Variants in PITPNA observed in about 807,000 individuals in gnomAD.
PITPNA encodes phosphatidylinositol transfer protein alpha isoform.
Under a neutral mutation model 50.3 loss-of-function variants are expected in PITPNA, and 13 were observed. The ratio of observed to expected loss-of-function variants is 0.26; its 90% CI spans 0.17 to 0.41. The LOEUF (loss-of-function observed/expected upper bound fraction) is 0.41. Ranked by LOEUF, PITPNA falls within the 10% of genes least tolerant of loss-of-function variation. The pLI, the probability that PITPNA is intolerant of heterozygous loss-of-function variation, is 1.00. For missense variants in PITPNA, 207 were observed against 333.4 expected (o/e 0.62, Z 2.95); for synonymous variants, 120 against 119.6 (o/e 1.00, Z -0.02).
chr17:1,528,322 G>A (rs2075560152), intron 10 of PITPNA, among the ~76,000 whole-genome samples: 2 of 152,198 alleles, frequency 1.3e-5, no homozygotes, highest in Admixed American at 6.5e-5. Context: ...TGTATTTTTA[G>A]TAGAGACGGG....
In PITPNA at chr17:1,553,022, T is replaced by C; in HGVS notation, c.179A>G (p.Lys60Arg). Residue 60 changes from lysine (K) to arginine (R), a missense_variant, in exon 3 of 12, where the codon AAG (lysine) becomes AGG (arginine). Coordinates refer to ENST00000313486, the MANE Select transcript of PITPNA (RefSeq NM_006224.4). ...CGCATACCTCTGCAGGTGGTAGATC[T>C]TGTGTGTGTACTGGCCTTTCTCACC... ...KDGEKGQYTH[K>R]IYHLQSKVPT... The C allele has an allele frequency of 6.2e-7, 1 of 1,613,996 alleles. No homozygotes were observed. The highest frequency in any genetic ancestry group is 8.5e-7 in the Non-Finnish European group (1 of 1,179,886).
At position 1,541,589 on chromosome 17, in the gene PITPNA, G is replaced by C. The variant is rs976927068; in HGVS notation, c.349C>G (p.Pro117Ala). 1 of 1,613,408 alleles carries C rather than the reference G, an allele frequency of 6.2e-7. No homozygotes were observed. Reference sequence around the variant, plus strand: ...ACATTCTCCTGCGTGCCAAGATCTGGTTTGTGCCAGGTTTCAATTTTAATC... The same window carrying C: ...ACATTCTCCTGCGTGCCAAGATCTGCTTTGTGCCAGGTTTCAATTTTAATC... ...FLIKIETWHK[P>A]DLGTQENVHK... The change falls in exon 6 of 12, where the codon CCA becomes GCA. Residue 117 changes from proline to alanine, a missense_variant. Pro to Ala is a conservative substitution (Grantham distance 27). Transcript: ENST00000313486.
At chr17:1,558,699 G>A (rs1342054020) in intron 1 of PITPNA, 140 bp from the exon 2 acceptor site, 1 of 649,848 alleles carries the variant, frequency 1.5e-6, no homozygotes, top group Non-Finnish European at 2.8e-6. Flanking sequence ...ACAGAGAATG[G>A]CCCTTTGAGT....
rs556675059 is a variant in PITPNA at position 1,518,124 on chromosome 17, G to T, written c.*2437C>A. 1 of 152,692 alleles carries T rather than the reference G, an allele frequency of 6.5e-6. No homozygotes were observed. Among genetic ancestry groups the T allele is most frequent in the Non-Finnish European group, 1.5e-5 (1 of 68,016 alleles). The allele number at this position is 152,692 out of a possible 1,614,324, so 9.5% of individuals were successfully genotyped here. A position where few individuals can be genotyped will look rare whatever the true frequency, so the allele number is the denominator to read the frequency against. ...CTACAAAGTGTAGTTTGTAAAACAA[G>T]TAGCACTAGGAACCAACCAAAGTAA... On this transcript the variant is annotated 3_prime_UTR_variant, in exon 12 of 12. Transcript: ENST00000313486.
At chr17:1,522,592 T>C (rs1392725682) in intron 10 of PITPNA, among the ~76,000 whole-genome samples, 1 of 151,762 alleles carries the variant, frequency 6.6e-6, no homozygotes, top group Non-Finnish European at 1.5e-5. Flanking sequence ...AGGCTGATCT[T>C]GAACTCCTGA....
At position 1,520,096 on chromosome 17, in the gene PITPNA, C is replaced by T. The variant is rs566154050; in HGVS notation, c.*465G>A. On this transcript the variant is annotated 3_prime_UTR_variant, in exon 12 of 12. Coordinates refer to ENST00000313486, the MANE Select transcript of PITPNA (RefSeq NM_006224.4). Reference sequence around the variant, plus strand: ...TGTATCTTTAGCTCATCCCCGCTCCCCACAGGAGCACTCAAAATTGCGAAG... The same window carrying T: ...TGTATCTTTAGCTCATCCCCGCTCCTCACAGGAGCACTCAAAATTGCGAAG... The T allele has an allele frequency of 3.9e-5, 6 of 152,212 alleles. No homozygotes were observed. Among genetic ancestry groups the T allele is most frequent in the African/African-American group, 1.4e-4 (6 of 41,520 alleles). The allele number at this position is 152,212 out of a possible 1,614,324, so 9.4% of individuals were successfully genotyped here. A position where few individuals can be genotyped will look rare whatever the true frequency, so the allele number is the denominator to read the frequency against.
intron 6 of PITPNA, among the ~76,000 whole-genome samples, chr17:1,541,175 A>T (rs2075646179): frequency 6.6e-6 from 1 of 152,338 alleles, no homozygotes; most frequent in Admixed American, 6.5e-5. Flanking sequence ...GTCTCCTTGT[A>T]TATATGTTAT....
At chr17:1,521,792 A>G (rs2075514577) in intron 10 of PITPNA, 147 bp from the exon 11 acceptor site, 2 of 676,166 alleles carry the variant, frequency 3.0e-6, no homozygotes, top group Admixed American at 4.3e-5. Context: ...TATGGACTCG[A>G]AGCCATACAT....
intron 10 of PITPNA, among the ~76,000 whole-genome samples, chr17:1,522,135 A>G (rs112131245): frequency 0.12 from 17,881 of 143,908 alleles, 1,336 homozygotes; most frequent in African/African-American, 0.19. Flanking sequence ...GCAGTGGCGC[A>G]ATCTCGGCTC....
At chr17:1,536,894 ATTTTT>A (rs35841957) in intron 7 of PITPNA, among the ~76,000 whole-genome samples, 1 of 98,306 alleles carries the variant, frequency 1.0e-5, no homozygotes, top group East Asian at 3.1e-4. Context: ...TGTCCGGCCG[ATTTTT>A]TTTTTTTTTT....
chr17:1,542,254 T>C (rs918338856), intron 5 of PITPNA, among the ~76,000 whole-genome samples: 1 of 151,286 alleles, frequency 6.6e-6, no homozygotes, highest in Admixed American at 6.6e-5. Context: ...TCAAAACAGT[T>C]TCGTCTGACT....
chr17:1,548,131 C>CGAGAA (rs2075687769), intron 4 of PITPNA, among the ~76,000 whole-genome samples, 165 bp downstream of exon 4: 2 of 152,238 alleles, frequency 1.3e-5, no homozygotes, highest in Non-Finnish European at 2.9e-5. Context: ...CGGTGCTTCT[C>CGAGAA]GCCCTGCTGT....
intron 10 of PITPNA, among the ~76,000 whole-genome samples, chr17:1,533,337 AC>A (rs1359777375): frequency 1.3e-5 from 2 of 152,112 alleles, no homozygotes; most frequent in African/African-American, 4.8e-5. Flanking sequence ...AGACGGTGTG[AC>A]CCAGAGCACC....
At chr17:1,543,890 T>C (rs1013550032) in intron 4 of PITPNA, among the ~76,000 whole-genome samples, 2 of 152,222 alleles carry the variant, frequency 1.3e-5, no homozygotes, top group Non-Finnish European at 2.9e-5. Flanking sequence ...GTAACTGCCC[T>C]GTTAGCAGCT....
At chr17:1,545,917 CTTTT>C (rs11322049) in intron 4 of PITPNA, among the ~76,000 whole-genome samples, 3 of 86,368 alleles carry the variant, frequency 3.5e-5, no homozygotes, top group African/African-American at 4.9e-5. Flanking sequence ...TGCATACTGC[CTTTT>C]TTTTTTTTTT....
At chr17:1,539,632 G>A (rs370498052) in intron 6 of PITPNA, among the ~76,000 whole-genome samples, 2 of 150,938 alleles carry the variant, frequency 1.3e-5, no homozygotes, top group African/African-American at 2.4e-5. Context: ...AGCTGGGCCC[G>A]AGTGATCCTC....
chr17:1,551,280 T>C (rs965495586), intron 3 of PITPNA, among the ~76,000 whole-genome samples: 2 of 150,894 alleles, frequency 1.3e-5, no homozygotes, highest in Non-Finnish European at 3.0e-5. Flanking sequence ...TTTCTTTTTC[T>C]TTTTTTTCTT....
At chr17:1,532,642 A>G (rs901012447) in intron 10 of PITPNA, among the ~76,000 whole-genome samples, 1 of 152,172 alleles carries the variant, frequency 6.6e-6, no homozygotes, top group African/African-American at 2.4e-5. Context: ...GAAAGTCTCC[A>G]TGTTTCCTCA....
intron 4 of PITPNA, among the ~76,000 whole-genome samples, chr17:1,543,421 G>A (rs186371542): frequency 1.3e-5 from 2 of 152,250 alleles, no homozygotes; most frequent in African/African-American, 2.4e-5. Flanking sequence ...AGAGCAGGGT[G>A]CTTTGGCCAT....
Sources: allele counts gnomAD v4.1 joint callset (sites outside exome capture counted in the v4.1 genomes callset), GRCh38; gene constraint gnomAD v4.1.1; transcripts MANE v1.5; gene names NCBI Gene and HGNC (gene_info 2026-07-23, HGNC 2026-07-21).